Variants in NAALADL2 observed in about 807,000 individuals in gnomAD.
The protein encoded by NAALADL2 is N-acetylated alpha-linked acidic dipeptidase like 2.
In NAALADL2, 76 loss-of-function variants were observed where a neutral mutation model predicts 87.2. The ratio of observed to expected loss-of-function variants is 0.87; its 90% CI spans 0.72 to 1.05. NAALADL2 has a LOEUF of 1.05. Among genes scored for constraint, NAALADL2 ranks in the 50% least tolerant of loss-of-function variants. The pLI, the probability that NAALADL2 is intolerant of heterozygous loss-of-function variation, is 0.00. For missense variants in NAALADL2, 1,089 were observed against 945.8 expected (o/e 1.15, Z -1.99); for synonymous variants, 354 against 331.0 (o/e 1.07, Z -0.75).
At chr3:175,240,362 C>A (rs984108272) in intron 3 of NAALADL2, among the ~76,000 whole-genome samples, 1 of 152,182 alleles carries the variant, frequency 6.6e-6, no homozygotes, top group African/African-American at 2.4e-5. Context: ...AATACAAACA[C>A]TGCATGGAAT....
At chr3:174,550,469 A>G (rs1166888066) in intron 1 of NAALADL2, 3 of 152,090 alleles carry the variant, frequency 2.0e-5, no homozygotes, top group Non-Finnish European at 4.4e-5. Context: ...CAACGTAGTT[A>G]AAAGAGGTGA....
intron 10 of NAALADL2, among the ~76,000 whole-genome samples, chr3:175,593,681 A>T (rs1721848895): frequency 6.6e-6 from 1 of 152,026 alleles, no homozygotes; most frequent in Non-Finnish European, 1.5e-5. Context: ...TGGCTTGTAG[A>T]GCATAATTCC....
chr3:175,087,857 T>C (rs1468946946), intron 1 of NAALADL2, among the ~76,000 whole-genome samples: 1 of 150,932 alleles, frequency 6.6e-6, no homozygotes, highest in Non-Finnish European at 1.5e-5. Flanking sequence ...TATTGTCCTA[T>C]GACCCTGCCA....
intron 2 of NAALADL2, among the ~76,000 whole-genome samples, chr3:174,551,565 T>G (rs1712131612): frequency 6.6e-6 from 1 of 152,204 alleles, no homozygotes; most frequent in African/African-American, 2.4e-5. Flanking sequence ...GTCATGTGCT[T>G]CTTGAGTGTA....
chr3:175,132,126 G>A lies in NAALADL2; in HGVS notation c.545+34835G>A, dbSNP rs552794361. On this transcript the variant is annotated intron_variant, in intron 2 of 13. Coordinates refer to ENST00000454872, the MANE Select transcript of NAALADL2 (RefSeq NM_207015.3). Reference sequence around the variant, plus strand: ...TCCCGCCCGGATGGGGCGGCTGGCCGGGCGGGGGGCTGACCCCCCCACCTC... The same window carrying A: ...TCCCGCCCGGATGGGGCGGCTGGCCAGGCGGGGGGCTGACCCCCCCACCTC... 1.6e-3 allele frequency among the ~76,000 whole-genome samples: 208 copies of A among 133,332 alleles called. 3 individuals carry two copies. Among genetic ancestry groups the A allele is most frequent in the Admixed American group, 3.1e-3 (43 of 13,944 alleles). 87.5% of individuals were successfully genotyped at this position (133,332 alleles called of 152,430 possible). A position where few individuals can be genotyped will look rare whatever the true frequency, so the allele number is the denominator to read the frequency against.
intron 3 of NAALADL2, among the ~76,000 whole-genome samples, chr3:174,752,020 C>T (rs1006954541): frequency 1.3e-5 from 2 of 151,908 alleles, no homozygotes; most frequent in African/African-American, 4.8e-5. Flanking sequence ...CTCTGTTGCC[C>T]AGGCTGGAGT....
intron 11 of NAALADL2, among the ~76,000 whole-genome samples, chr3:175,632,951 G>T (rs926700749): frequency 6.6e-6 from 1 of 152,102 alleles, no homozygotes; most frequent in African/African-American, 2.4e-5. Context: ...TAGTGATCAC[G>T]TATGATAGTG....
At chr3:175,649,214 A>T (rs1036397381) in intron 11 of NAALADL2, among the ~76,000 whole-genome samples, 3 of 152,150 alleles carry the variant, frequency 2.0e-5, no homozygotes, top group Non-Finnish European at 4.4e-5. Flanking sequence ...TCAATCCAAG[A>T]CTACTCATTA....
At chr3:175,098,514 A>G (rs1458055112) in intron 2 of NAALADL2, among the ~76,000 whole-genome samples, 1 of 152,142 alleles carries the variant, frequency 6.6e-6, no homozygotes, top group Admixed American at 6.6e-5. Flanking sequence ...ATAGGGGGGC[A>G]TAACCTCAGC....
At chr3:174,857,068 T>A (rs1725932759), upstream of NAALADL2, among the ~76,000 whole-genome samples, 1 of 152,002 alleles carries the variant, frequency 6.6e-6, no homozygotes, top group Non-Finnish European at 1.5e-5. Context: ...AAATGAAAAG[T>A]TTAGAATTGT....
chr3:174,727,326 G>C (rs1162059314), intron 2 of NAALADL2, among the ~76,000 whole-genome samples: 1 of 151,588 alleles, frequency 6.6e-6, no homozygotes, highest in East Asian at 1.9e-4. Flanking sequence ...TCAGTGGGTT[G>C]TTAATATTTA....
chr3:174,890,969 T>G (rs1730804870), intron 1 of NAALADL2, among the ~76,000 whole-genome samples: 1 of 152,034 alleles, frequency 6.6e-6, no homozygotes, highest in Non-Finnish European at 1.5e-5. Flanking sequence ...AATTATTTTT[T>G]TATTATGATA....
upstream of NAALADL2, among the ~76,000 whole-genome samples, chr3:174,858,457 C>T (rs2109519550): frequency 6.6e-6 from 1 of 152,102 alleles, no homozygotes. Flanking sequence ...AACAGTTAAT[C>T]TAAGTTAATA....
intron 13 of NAALADL2, among the ~76,000 whole-genome samples, chr3:175,778,967 C>CA (rs961275741): frequency 9.2e-5 from 14 of 151,816 alleles, no homozygotes; most frequent in Middle Eastern, 3.2e-3. Context: ...CACACACACA[C>CA]AAAAAAATGA....
At chr3:174,577,102 A>T (rs1057019007) in intron 2 of NAALADL2, among the ~76,000 whole-genome samples, 3 of 152,148 alleles carry the variant, frequency 2.0e-5, no homozygotes, top group African/African-American at 7.2e-5. Context: ...TTAGCCCATG[A>T]TTCAACAATC....
intron 11 of NAALADL2, among the ~76,000 whole-genome samples, chr3:175,711,270 A>T (rs1338933542): frequency 6.6e-6 from 1 of 151,894 alleles, no homozygotes; most frequent in Non-Finnish European, 1.5e-5. Flanking sequence ...GTATGATTAG[A>T]AAATGCAATC....
At chr3:174,490,315 G>T (rs936075572) in intron 1 of NAALADL2, among the ~76,000 whole-genome samples, 1 of 152,078 alleles carries the variant, frequency 6.6e-6, no homozygotes, top group Non-Finnish European at 1.5e-5. Flanking sequence ...ATTACATGTT[G>T]TGTGATTTCC....
chr3:175,744,784 G>T (rs1745698259), intron 12 of NAALADL2, among the ~76,000 whole-genome samples: 1 of 152,082 alleles, frequency 6.6e-6, no homozygotes, highest in Non-Finnish European at 1.5e-5. Flanking sequence ...AATACATATT[G>T]CAGTTTTAAC....
At chr3:174,840,018 A>G (rs1723834496) in intron 3 of NAALADL2, among the ~76,000 whole-genome samples, 1 of 152,032 alleles carries the variant, frequency 6.6e-6, no homozygotes, top group Admixed American at 6.6e-5. Flanking sequence ...CCCAGAGGAA[A>G]ATAAGTCATT....
Sources: allele counts gnomAD v4.1 joint callset (sites outside exome capture counted in the v4.1 genomes callset), GRCh38; gene constraint gnomAD v4.1.1; transcripts MANE v1.5; gene names NCBI Gene and HGNC (gene_info 2026-07-23, HGNC 2026-07-21).